Variants in RFC5 observed in about 807,000 individuals in gnomAD.
RFC5 encodes replication factor C subunit 5.
Under a neutral mutation model 44.3 loss-of-function variants are expected in RFC5, and 26 were observed. That is an observed-to-expected ratio of 0.59 (90% CI 0.43 to 0.81). The LOEUF (loss-of-function observed/expected upper bound fraction) is 0.81. Ranked by LOEUF, RFC5 falls within the 40% of genes least tolerant of loss-of-function variation. The pLI is 0.00. For synonymous variants in RFC5, 155 were observed against 155.2 expected (o/e 1.00, Z 0.01); for missense variants, 328 against 418.6 (o/e 0.78, Z 1.89).
At chr12:118,025,992 G>A (rs905586138) in intron 7 of RFC5, among the ~76,000 whole-genome samples, 164 bp downstream of exon 7, 2 of 151,628 alleles carry the variant, frequency 1.3e-5, no homozygotes, top group East Asian at 1.9e-4. Flanking sequence ...ACAGGTGCCC[G>A]CCACCACGCC....
At chr12:118,018,068 A>G (rs748046836) in intron 1 of RFC5, 12 of 699,120 alleles carry the variant, frequency 1.7e-5, no homozygotes, top group Non-Finnish European at 2.6e-5. Flanking sequence ...GTGGAATCCT[A>G]CACTATGTGG....
At chr12:118,035,185 G>A (rs2031479458), downstream of RFC5, 14 of 1,613,474 alleles carry the variant, frequency 8.7e-6, no homozygotes, top group Non-Finnish European at 1.2e-5. Flanking sequence ...CTTGTTCTGA[G>A]GCCATGTAAA....
At chr12:118,022,459 G>T in intron 5 of RFC5, 100 bp downstream of exon 5, 1 of 855,868 alleles carries the variant, frequency 1.2e-6, no homozygotes, top group Non-Finnish European at 1.9e-6. Flanking sequence ...TTTTAGGCGG[G>T]GGGGAGTTTT....
chr12:118,019,266 C>T lies in RFC5; in HGVS notation c.130+130C>T, dbSNP rs1257583491. The T allele has an allele frequency of 1.4e-6, 1 of 738,220 alleles. No individual in the cohort carries two copies. Among genetic ancestry groups the T allele is most frequent in the Non-Finnish European group, 2.4e-6 (1 of 424,014 alleles). 45.7% of individuals were successfully genotyped at this position (738,220 alleles called of 1,614,324 possible). On this transcript the variant is annotated intron_variant, in intron 2 of 10. Transcript: ENST00000454402. This position sits in a 1 kb window ranked among gnomAD's most constrained non-coding sequence, Gnocchi z 4.2. ...GCTTTGTAGAATGTGGCTTTAAGAT[C>T]ATTCATTCATTTTCTTCAGGTTGCT...
chr12:118,023,668 C>G (rs1292653064), intron 5 of RFC5, among the ~76,000 whole-genome samples: 2 of 152,106 alleles, frequency 1.3e-5, no homozygotes, highest in Non-Finnish European at 2.9e-5. Context: ...ATAAGCAACT[C>G]TTTGTTCGGG....
chr12:118,020,848 A>G, intron 3 of RFC5, 58 bp from the exon 4 acceptor site: 5 of 1,092,146 alleles, frequency 4.6e-6, no homozygotes, highest in South Asian at 1.3e-5. Flanking sequence ...TAACACCAAG[A>G]ACTCACAGAT....
At chr12:118,036,599 G>A, downstream of RFC5, 1 of 1,353,482 alleles carries the variant, frequency 7.4e-7, no homozygotes, top group South Asian at 1.4e-5. Flanking sequence ...CACCAAATCT[G>A]CAGGCCCTGC....
chr12:118,030,257 G>A (rs2031229080), intron 10 of RFC5, among the ~76,000 whole-genome samples: 2 of 152,198 alleles, frequency 1.3e-5, no homozygotes, highest in Non-Finnish European at 2.9e-5. Flanking sequence ...AGTGAAGCTG[G>A]CAGCTATCAT....
chr12:118,041,037 A>G, the RFC5 span, among the ~76,000 whole-genome samples: 4 of 152,248 alleles, frequency 2.6e-5, no homozygotes, highest in East Asian at 7.7e-4. Flanking sequence ...TGACACAGTG[A>G]GACTCCGTCT....
downstream of RFC5, among the ~76,000 whole-genome samples, chr12:118,037,682 AGAAAAG>A (rs1670697814): frequency 1.3e-5 from 2 of 149,094 alleles, no homozygotes; most frequent in African/African-American, 5.0e-5. Flanking sequence ...AAAAAAAAAA[AGAAAAG>A]AAAAGAAAAG....
chr12:118,027,666 C>A (rs2031040344), intron 8 of RFC5, among the ~76,000 whole-genome samples: 2 of 139,362 alleles, frequency 1.4e-5, no homozygotes, highest in African/African-American at 2.7e-5. Flanking sequence ...AGGGAGATTC[C>A]ATCTTAAAAA....
chr12:118,025,232 C>T (rs1480716873), intron 6 of RFC5: 6 of 474,338 alleles, frequency 1.3e-5, no homozygotes, highest in Admixed American at 3.9e-5. Flanking sequence ...TGATTCCATC[C>T]TCCTCCCCTG....
chr12:118,029,691 A>T, intron 9 of RFC5, 80 bp from the exon 10 acceptor site: 1 of 930,842 alleles, frequency 1.1e-6, no homozygotes, highest in Non-Finnish European at 1.8e-6. Context: ...TAAGGATTTC[A>T]TGTTGAAACT....
intron 10 of RFC5, among the ~76,000 whole-genome samples, chr12:118,030,479 C>T (rs372885128): frequency 6.7e-6 from 1 of 150,226 alleles, no homozygotes; most frequent in South Asian, 2.2e-4. Context: ...ACCAATGTAT[C>T]AGCCAAACTT....
Position 118,019,891 on chromosome 12 carries a change from A to G in RFC5, c.267+123A>G, listed in dbSNP as rs1397362282. 2 of 770,758 alleles carry G rather than the reference A, an allele frequency of 2.6e-6. No homozygotes were observed. Among genetic ancestry groups the G allele is most frequent in the Non-Finnish European group, 4.1e-6 (2 of 489,980 alleles). The allele number at this position is 770,758 out of a possible 1,614,324, so 47.7% of individuals were successfully genotyped here. On this transcript the variant is annotated intron_variant, in intron 3 of 10. Coordinates refer to ENST00000454402, the MANE Select transcript of RFC5 (RefSeq NM_007370.7). This position sits in a 1 kb window ranked among gnomAD's most constrained non-coding sequence, Gnocchi z 4.2. ...CCACGGACAGTTAGGAAAGAAGTAA[A>G]TTTGAATATTTTAATTCCCTTTTTC...
chr12:118,025,946 T>G lies in RFC5; in HGVS notation c.663+118T>G, dbSNP rs1056832322. ...TCACTGCAACCTCCGCCTCCTGGGT[T>G]CAAGCGAATCTCCTGCCTCCTGAGC... On this transcript the variant is annotated intron_variant, in intron 7 of 10. Transcript: ENST00000454402. 15 of 637,474 alleles carry G rather than the reference T, an allele frequency of 2.4e-5. No individual in the cohort carries two copies. The African/African-American group carries it at 2.6e-4, about 11-fold the overall frequency. 39.5% of individuals were successfully genotyped at this position (637,474 alleles called of 1,614,324 possible).
At position 118,019,466 on chromosome 12, in the gene RFC5, C is replaced by A. The variant is rs2030334077; in HGVS notation, c.131-166C>A. ...GACTGGCTGCGCTATTGAGTGAATT[C>A]CAGTTGTTCCACGAAAGTAGATATG... On this transcript the variant is annotated intron_variant, in intron 2 of 10. Transcript: ENST00000454402. This position sits in a 1 kb window ranked among gnomAD's most constrained non-coding sequence, Gnocchi z 4.2. Among the ~76,000 whole-genome samples the A allele has an allele frequency of 6.6e-6, 1 of 152,136 alleles. No individual in the cohort carries two copies. The highest frequency in any genetic ancestry group is 6.6e-5 in the Admixed American group (1 of 15,264).
At chr12:118,037,353 A>C (rs1266958712), downstream of RFC5, among the ~76,000 whole-genome samples, 1 of 151,976 alleles carries the variant, frequency 6.6e-6, no homozygotes, top group African/African-American at 2.4e-5. Flanking sequence ...CATTAAGAGG[A>C]TTTTATTTTT....
chr12:118,030,624 G>T (rs1156482618), intron 10 of RFC5, among the ~76,000 whole-genome samples: 1 of 152,048 alleles, frequency 6.6e-6, no homozygotes, highest in East Asian at 1.9e-4. Flanking sequence ...TCAGAACACC[G>T]CTGTTGACAC....
Sources: allele counts gnomAD v4.1 joint callset (sites outside exome capture counted in the v4.1 genomes callset), GRCh38; gene constraint gnomAD v4.1.1; non-coding constraint Gnocchi (gnomAD v3.1); transcripts MANE v1.5; gene names NCBI Gene and HGNC (gene_info 2026-07-23, HGNC 2026-07-21).